Variants in ASCC3 observed in about 807,000 individuals in gnomAD.
ASCC3 encodes activating signal cointegrator 1 complex subunit 3.
In ASCC3, 158 loss-of-function variants were observed where a neutral mutation model predicts 256.3. That is an observed-to-expected ratio of 0.62 (90% CI 0.54 to 0.70). The LOEUF (loss-of-function observed/expected upper bound fraction) is 0.70. Among genes scored for constraint, ASCC3 ranks in the 30% least tolerant of loss-of-function variants. The probability of loss-of-function intolerance (pLI) is 0.00; values close to 1 mark genes in which losing one functional copy is unlikely to be tolerated. For missense variants in ASCC3, 2,259 were observed against 2,626.0 expected (o/e 0.86, Z 3.05); for synonymous variants, 948 against 883.4 (o/e 1.07, Z -1.30).
At chr6:100,533,189 A>G (rs1250177486) in intron 37 of ASCC3, among the ~76,000 whole-genome samples, 9 of 151,732 alleles carry the variant, frequency 5.9e-5, no homozygotes, top group Non-Finnish European at 1.3e-4. Flanking sequence ...CTTGGATTTT[A>G]TATATTTTTC....
At chr6:100,840,972 T>C (rs950920960) in intron 4 of ASCC3, among the ~76,000 whole-genome samples, 2 of 151,894 alleles carry the variant, frequency 1.3e-5, no homozygotes, top group Non-Finnish European at 2.9e-5. Context: ...TGGTATCTAA[T>C]AAAATACTGT....
intron 36 of ASCC3, among the ~76,000 whole-genome samples, chr6:100,577,880 T>C (rs916149292): frequency 1.3e-5 from 2 of 152,048 alleles, no homozygotes; most frequent in African/African-American, 4.8e-5. Context: ...AATCAGTATA[T>C]AGTCTGTGGG....
rs750313979 is a variant in ASCC3 at position 100,655,842 on chromosome 6, A to C, written c.2704-24T>G. The C allele has an allele frequency of 3.1e-6, 5 of 1,608,482 alleles. No homozygotes were observed. In the African/African-American group the frequency reaches 5.3e-5, roughly 17 times the overall value. On this transcript the variant is annotated intron_variant, in intron 16 of 41. Coordinates refer to ENST00000369162, the MANE Select transcript of ASCC3 (RefSeq NM_006828.4). ...ATCTGCAAATCAAAAAGATGACAGA[A>C]ATTAATGTATTAAAGTTGAACATAA... is the stretch of plus-strand genomic sequence containing the variant.
At chr6:100,812,995 T>A (rs968603639) in intron 4 of ASCC3, among the ~76,000 whole-genome samples, 3 of 150,274 alleles carry the variant, frequency 2.0e-5, no homozygotes, top group African/African-American at 4.9e-5. Context: ...AAGAAAAAAA[T>A]GAAGAAAAAT....
intron 10 of ASCC3, among the ~76,000 whole-genome samples, chr6:100,742,771 T>C (rs1216584688): frequency 6.6e-6 from 1 of 152,142 alleles, no homozygotes; most frequent in Admixed American, 6.5e-5. Context: ...GCAGCCCCCA[T>C]CCTCCTCACC....
chr6:100,643,952 A>G, intron 23 of ASCC3, 79 bp downstream of exon 23: 1 of 948,446 alleles, frequency 1.1e-6, no homozygotes, highest in Admixed American at 2.1e-5. Flanking sequence ...ATAAAATTAC[A>G]GAGAAATAAA....
chr6:100,734,539 T>G (rs965149244), intron 10 of ASCC3, among the ~76,000 whole-genome samples: 1 of 152,178 alleles, frequency 6.6e-6, no homozygotes, highest in East Asian at 1.9e-4. Flanking sequence ...AAAATGGAGA[T>G]TAAAACGGTA....
intron 14 of ASCC3, among the ~76,000 whole-genome samples, chr6:100,671,096 A>T (rs1425096077): frequency 6.6e-6 from 1 of 152,068 alleles, no homozygotes; most frequent in Non-Finnish European, 1.5e-5. Context: ...ACTTTTTTGT[A>T]TTAAAACATA....
intron 8 of ASCC3, 80 bp downstream of exon 8, chr6:100,798,633 A>C (rs1189492754): frequency 3.9e-5 from 63 of 1,599,136 alleles, no homozygotes; most frequent in Non-Finnish European, 5.3e-5. Context: ...TAATGTTTTA[A>C]AACAATTTTT....
rs528747870 is a variant in ASCC3 at position 100,784,666 on chromosome 6, G to T, written c.1395+14047C>A. The stretch of plus-strand genomic sequence containing the variant: ...TATTAATACAAAAACATTCTGGAAA[G>T]ATATATATCAAAGAATTCTGCTAAA... On this transcript the variant is annotated intron_variant, in intron 8 of 41. Coordinates refer to ENST00000369162, the MANE Select transcript of ASCC3 (RefSeq NM_006828.4). Among the ~76,000 whole-genome samples, 74 of 152,082 alleles carry T rather than the reference G, an allele frequency of 4.9e-4. 2 individuals are homozygous for T. In the South Asian group the frequency reaches 0.014, roughly 29 times the overall value.
At chr6:100,706,193 C>G (rs912452478) in intron 13 of ASCC3, among the ~76,000 whole-genome samples, 2 of 7,576 alleles carry the variant, frequency 2.6e-4, no homozygotes, top group African/African-American at 2.9e-4. Flanking sequence ...TTTTAGATAA[C>G]GTGAAAAACT....
rs6922721 is a variant in ASCC3 at position 100,780,902 on chromosome 6, T to C, written c.1396-13557A>G. On this transcript the variant is annotated intron_variant, in intron 8 of 41. Transcript: ENST00000369162. ...CTCATTACTCATCTTTATTAAAGGT[T>C]GACAAATACTTTACAAATACATCAC... 3.6e-3 allele frequency among the ~76,000 whole-genome samples: 544 copies of C among 152,344 alleles called. 4 individuals carry two copies. Among genetic ancestry groups the C allele is most frequent in the African/African-American group, 0.012 (499 of 41,586 alleles).
chr6:100,579,915 G>T (rs144413468), intron 36 of ASCC3, among the ~76,000 whole-genome samples: 1,790 of 152,180 alleles, frequency 0.012, 19 homozygotes, highest in Non-Finnish European at 0.018. Context: ...ATTGCTTTGG[G>T]CAGTATGGCC....
chr6:100,854,225 G>A (rs540424541), intron 3 of ASCC3, among the ~76,000 whole-genome samples: 61 of 147,508 alleles, frequency 4.1e-4, no homozygotes, highest in Non-Finnish European at 6.4e-4. Flanking sequence ...TCAAACTTTT[G>A]ACATAACAGA....
intron 34 of ASCC3, among the ~76,000 whole-genome samples, chr6:100,598,669 G>A (rs1772439562): frequency 6.6e-6 from 1 of 152,052 alleles, no homozygotes; most frequent in African/African-American, 2.4e-5. Flanking sequence ...CCCCTGTTCT[G>A]ACCCGTGTCT....
At chr6:100,670,211 A>AT in intron 14 of ASCC3, among the ~76,000 whole-genome samples, 1 of 151,950 alleles carries the variant, frequency 6.6e-6, no homozygotes, top group Non-Finnish European at 1.5e-5. Flanking sequence ...ATGAAGTACC[A>AT]TTTTTTGCCT....
At chr6:100,558,654 C>G (rs1339308259) in intron 36 of ASCC3, among the ~76,000 whole-genome samples, 1 of 152,118 alleles carries the variant, frequency 6.6e-6, no homozygotes, top group Non-Finnish European at 1.5e-5. Flanking sequence ...CTGAGTGGGA[C>G]AGATAGCTGA....
intron 8 of ASCC3, among the ~76,000 whole-genome samples, chr6:100,795,785 T>C (rs1390142404): frequency 6.6e-5 from 10 of 152,142 alleles, no homozygotes; most frequent in Admixed American, 1.3e-4. Flanking sequence ...AGGAATAGCA[T>C]GCAATTATGA....
In ASCC3 at chr6:100,725,665, T is replaced by C. The variant is rs1315239214; in HGVS notation, c.1776A>G (p.Thr592=). ...VTTPEKWDVV[T]RKSVGDVALS... ...GAGCTACATCCCCAACACTCTTTCT[T>C]GTCACTACATCCCATTTTTCTGGTG... Residue 592 remains threonine, a synonymous_variant, in exon 11 of 42, where the codon ACA becomes ACG. Coordinates refer to ENST00000369162, the MANE Select transcript of ASCC3 (RefSeq NM_006828.4). The C allele has an allele frequency of 3.7e-6, 6 of 1,612,732 alleles. No homozygotes were observed. The highest frequency in any genetic ancestry group is 5.1e-6 in the Non-Finnish European group (6 of 1,179,092).
Sources: allele counts gnomAD v4.1 joint callset (sites outside exome capture counted in the v4.1 genomes callset), GRCh38; gene constraint gnomAD v4.1.1; transcripts MANE v1.5; gene names NCBI Gene and HGNC (gene_info 2026-07-23, HGNC 2026-07-21).